MED13L: variants seen among roughly 807,000 people sequenced by gnomAD.
MED13L encodes the protein mediator of RNA polymerase II transcription subunit 13-like.
In MED13L, 7 loss-of-function variants were observed where a neutral mutation model predicts 220.9. That is an observed-to-expected ratio of 0.03 (90% CI 0.02 to 0.06). The LOEUF is 0.06. Ranked by LOEUF, MED13L falls within the 10% of genes least tolerant of loss-of-function variation. MED13L has a pLI of 1.00. For synonymous variants in MED13L, 1,011 were observed against 1,015.2 expected (o/e 1.00, Z 0.08); for missense variants, 1,965 against 2,760.5 (o/e 0.71, Z 6.46).
chr12:116,115,597 A>T (rs1246175768), intron 2 of MED13L, among the ~76,000 whole-genome samples: 1 of 152,140 alleles, frequency 6.6e-6, no homozygotes, highest in African/African-American at 2.4e-5. Context: ...AACAGTTACA[A>T]ATCACATATC....
intron 1 of MED13L, chr12:116,276,549 A>C: frequency 2.4e-6 from 3 of 1,252,320 alleles, no homozygotes; most frequent in Non-Finnish European, 2.1e-6. Flanking sequence ...TTCCTGACAC[A>C]ATCGCATTCA....
At chr12:115,981,536 T>C (rs1324198122) in intron 22 of MED13L, among the ~76,000 whole-genome samples, 1 of 152,208 alleles carries the variant, frequency 6.6e-6, no homozygotes, top group South Asian at 2.1e-4. Context: ...AAAATAAGCA[T>C]ACTCATTCAC....
intron 4 of MED13L, among the ~76,000 whole-genome samples, chr12:116,040,263 AT>A (rs1288790849): frequency 6.6e-6 from 1 of 152,208 alleles, no homozygotes; most frequent in African/African-American, 2.4e-5. Flanking sequence ...ATCCATTCAT[AT>A]TTTCTCCTTT....
At chr12:116,162,856 GA>G (rs1308525206) in intron 2 of MED13L, among the ~76,000 whole-genome samples, 2 of 151,890 alleles carry the variant, frequency 1.3e-5, no homozygotes, top group African/African-American at 4.8e-5. Context: ...AATTCAAGTT[GA>G]ACTGATCATT....
chr12:116,157,649 T>C (rs1433340657), intron 2 of MED13L, among the ~76,000 whole-genome samples: 1 of 152,232 alleles, frequency 6.6e-6, no homozygotes, highest in African/African-American at 2.4e-5. Flanking sequence ...CAAATATCTG[T>C]TGAATAGTGA....
intron 1 of MED13L, among the ~76,000 whole-genome samples, chr12:116,247,492 T>C (rs1178763239): frequency 2.0e-5 from 3 of 152,230 alleles, no homozygotes; most frequent in Non-Finnish European, 4.4e-5. Context: ...GAGACATCTT[T>C]CTAGCTGCAT....
intron 25 of MED13L, chr12:115,972,471 G>T: frequency 2.0e-6 from 1 of 512,220 alleles, no homozygotes; most frequent in Non-Finnish European, 3.6e-6. Context: ...TGTCTGAAAT[G>T]ACCTTTGAGA....
At chr12:116,013,209 CA>C (rs1295946876) in intron 8 of MED13L, among the ~76,000 whole-genome samples, 1 of 152,034 alleles carries the variant, frequency 6.6e-6, no homozygotes, top group Non-Finnish European at 1.5e-5. Context: ...CCCATATATA[CA>C]AATACAAAAA....
chr12:115,969,772 C>T (rs887154933), intron 27 of MED13L, among the ~76,000 whole-genome samples: 4 of 152,072 alleles, frequency 2.6e-5, no homozygotes, highest in Admixed American at 6.5e-5. Context: ...GATCCGCCTG[C>T]CTCAGCCTCC....
intron 4 of MED13L, among the ~76,000 whole-genome samples, chr12:116,030,010 C>G (rs1423650166): frequency 6.6e-6 from 1 of 152,006 alleles, no homozygotes; most frequent in Non-Finnish European, 1.5e-5. Context: ...ACTCTGTCAC[C>G]CAGGCTGCAG....
chr12:116,022,480 G>C lies in MED13L; in HGVS notation c.601C>G (p.Gln201Glu). The change falls in exon 5 of 31, where the codon CAG (glutamine) becomes GAG (glutamate). Residue 201 changes from glutamine (Q) to glutamate (E), a missense_variant. Physicochemically the swap from Gln to Glu is conservative, Grantham distance 29 (BLOSUM62 2). This residue lies in a region of MED13L where 818 missense variants were observed against 1,041.2 expected (regional missense o/e 0.79). Coordinates refer to ENST00000281928, the MANE Select transcript of MED13L (RefSeq NM_015335.5). ...CCTTGAAATGGTGCAGGTGAAGACT[G>C]AGCCATGTGTATATGCTCCTCATTG... is the stretch of plus-strand genomic sequence containing the variant. ...LINEEHIHMA[Q>E]SSPAPFQVLV... is the part of the protein sequence containing the mutation. The C allele has an allele frequency of 6.2e-7, 1 of 1,613,780 alleles. No homozygotes were observed. The highest frequency in any genetic ancestry group is 1.1e-5 in the South Asian group (1 of 91,046).
chr12:116,142,832 T>C (rs558391447), intron 2 of MED13L, among the ~76,000 whole-genome samples: 1 of 152,350 alleles, frequency 6.6e-6, no homozygotes, highest in East Asian at 1.9e-4. Context: ...ATTTATTAAA[T>C]TGACCATTAT....
At chr12:116,139,764 G>A (rs1876893995) in intron 2 of MED13L, among the ~76,000 whole-genome samples, 1 of 152,048 alleles carries the variant, frequency 6.6e-6, no homozygotes, top group South Asian at 2.1e-4. Context: ...GAGGTCAGGA[G>A]TTCGAAGCCA....
chr12:115,962,638 A>AG (rs1875844877), intron 30 of MED13L: 1 of 152,326 alleles, frequency 6.6e-6, no homozygotes, highest in Admixed American at 6.5e-5. Flanking sequence ...AAAGGCCTGT[A>AG]TATTTTCTCA....
chr12:116,161,484 A>G (rs905751017), intron 2 of MED13L, among the ~76,000 whole-genome samples: 7 of 152,200 alleles, frequency 4.6e-5, no homozygotes, highest in African/African-American at 1.7e-4. Flanking sequence ...AAAAATATCA[A>G]TAAGAAATCA....
At chr12:116,002,574 T>A (rs932830387) in intron 14 of MED13L, among the ~76,000 whole-genome samples, 12 of 152,196 alleles carry the variant, frequency 7.9e-5, no homozygotes, top group Non-Finnish European at 1.5e-4. Context: ...TTAGTATGCA[T>A]CTTGAAAAGG....
At chr12:116,202,339 T>C (rs1054297726) in intron 2 of MED13L, among the ~76,000 whole-genome samples, 19 of 152,210 alleles carry the variant, frequency 1.2e-4, no homozygotes, top group Non-Finnish European at 1.3e-4. Context: ...AATAATGATT[T>C]TGGCAGATAT....
intron 2 of MED13L, among the ~76,000 whole-genome samples, chr12:116,161,748 T>C (rs1169400753): frequency 6.6e-6 from 1 of 152,130 alleles, no homozygotes; most frequent in Non-Finnish European, 1.5e-5. Context: ...AAAAATTACG[T>C]CAACGCTAAC....
intron 14 of MED13L, among the ~76,000 whole-genome samples, chr12:115,999,982 C>A (rs79468343): frequency 5.9e-5 from 9 of 152,094 alleles, no homozygotes; most frequent in African/African-American, 2.2e-4. Flanking sequence ...TTTCCTAATC[C>A]GTAAAATGGG....
Sources: gnomAD v4.1 joint callset for allele counts (sites outside exome capture counted in the v4.1 genomes callset) on GRCh38, gnomAD v4.1.1 for gene constraint, gnomAD v4.1.1 regional missense constraint, MANE v1.5 for transcripts, NCBI Gene and HGNC (gene_info 2026-07-23, HGNC 2026-07-21) for gene names.